The following ATP9B variants were observed in gnomAD, a reference collection of about 807,000 sequenced individuals.
The protein encoded by ATP9B is probable phospholipid-transporting ATPase IIB.
Under a neutral mutation model 146.1 loss-of-function variants are expected in ATP9B, and 110 were observed. That is an observed-to-expected ratio of 0.75 (90% CI 0.65 to 0.88). The LOEUF (loss-of-function observed/expected upper bound fraction) is 0.88. ATP9B is among the 40% of genes least tolerant of loss of function. ATP9B has a pLI of 0.00. For synonymous variants in ATP9B, 604 were observed against 569.7 expected (o/e 1.06, Z -0.86); for missense variants, 1,499 against 1,496.4 (o/e 1.00, Z -0.03).
At position 79,154,521 on chromosome 18, in the gene ATP9B, G is replaced by A. The variant is rs748526167; in HGVS notation, c.744G>A (p.Ser248=). The A allele has an allele frequency of 8.5e-6, 13 of 1,535,352 alleles. No individual in the cohort carries two copies. Among genetic ancestry groups the A allele is most frequent in the Middle Eastern group, 1.7e-4 (1 of 5,870 alleles). The change falls in exon 7 of 30, where the codon TCG becomes TCA. Residue 248 remains serine, a synonymous_variant. Transcript: ENST00000426216. ...IIVEKNQRIP[S]DMVFLRTSEK... is the part of the protein sequence containing the mutation. The stretch of plus-strand genomic sequence containing the variant: ...CTTTGCAGAATCAAAGAATTCCATC[G>A]GACATGGTGTTTCTTAGGACTTCAG...
chr18:79,308,322 A>G (rs371053595), intron 15 of ATP9B, among the ~76,000 whole-genome samples: 2 of 152,320 alleles, frequency 1.3e-5, no homozygotes, highest in South Asian at 2.1e-4. Context: ...CCCGCCCGAG[A>G]GACATGAGAA....
chr18:79,245,909 G>A (rs62101144), intron 11 of ATP9B, among the ~76,000 whole-genome samples: 25,069 of 57,950 alleles, frequency 0.43, 5,051 homozygotes, highest in African/African-American at 0.57. Context: ...GGAGGGCACC[G>A]CCCTACTGAC....
chr18:79,190,636 C>T (rs1383785955), intron 8 of ATP9B, among the ~76,000 whole-genome samples: 6 of 151,994 alleles, frequency 3.9e-5, no homozygotes, highest in South Asian at 2.1e-4. Flanking sequence ...CTCTGCCTCC[C>T]GGGTTCAACC....
At chr18:79,355,482 C>T (rs533595602) in intron 25 of ATP9B, among the ~76,000 whole-genome samples, 223 of 152,196 alleles carry the variant, frequency 1.5e-3, no homozygotes, top group Non-Finnish European at 2.7e-3. Context: ...TGACTGGGCT[C>T]AGCAGCAAAA....
chr18:79,190,075 G>T (rs966735558), intron 8 of ATP9B, among the ~76,000 whole-genome samples: 12 of 152,182 alleles, frequency 7.9e-5, no homozygotes, highest in African/African-American at 2.9e-4. Flanking sequence ...ACACGATTCC[G>T]GGAGCACAGT....
At chr18:79,246,703 C>G (rs547407936) in intron 11 of ATP9B, among the ~76,000 whole-genome samples, 132 of 152,344 alleles carry the variant, frequency 8.7e-4, no homozygotes, top group Admixed American at 1.8e-3. Flanking sequence ...TCGCGCTCCC[C>G]CTGCTGGCCG....
At chr18:79,216,064 A>T (rs1038417781) in intron 11 of ATP9B, among the ~76,000 whole-genome samples, 3 of 144,936 alleles carry the variant, frequency 2.1e-5, no homozygotes, top group African/African-American at 5.4e-5. Flanking sequence ...ATTTATGATG[A>T]TATTTGAGGG....
At chr18:79,148,665 C>T (rs2094631655) in intron 6 of ATP9B, among the ~76,000 whole-genome samples, 1 of 152,160 alleles carries the variant, frequency 6.6e-6, no homozygotes, top group Non-Finnish European at 1.5e-5. Flanking sequence ...AGACTGGCGA[C>T]AAGGATGTTT....
At chr18:79,364,464 A>G (rs1439314851) in intron 26 of ATP9B, among the ~76,000 whole-genome samples, 1 of 152,166 alleles carries the variant, frequency 6.6e-6, no homozygotes, top group African/African-American at 2.4e-5. Flanking sequence ...CAAACATGAG[A>G]GGAAATCAGA....
chr18:79,192,542 T>C (rs984110047), intron 8 of ATP9B, among the ~76,000 whole-genome samples: 2 of 152,212 alleles, frequency 1.3e-5, no homozygotes, highest in Non-Finnish European at 2.9e-5. Flanking sequence ...ATTTAACCTT[T>C]ATGTGTAGCC....
At position 79,143,802 on chromosome 18, in the gene ATP9B, G is replaced by T; in HGVS notation, c.668G>T (p.Gly223Val). The change falls in exon 6 of 30, where the codon GGT becomes GTT. Residue 223 changes from glycine (G) to valine (V), a missense_variant and splice_region_variant. Coordinates refer to ENST00000426216, the MANE Select transcript of ATP9B (RefSeq NM_198531.5). ...TGACTGTACTTCTTCTTTTTTTAAG[G>T]TAAAGTGCAAGTTAAGAGTTCAGAC... ...SQLYSKLTVR[G>V]KVQVKSSDIQ... 1 of 1,571,332 alleles carries T rather than the reference G, an allele frequency of 6.4e-7. No homozygotes were observed.
At chr18:79,287,346 G>A (rs1165143028) in intron 13 of ATP9B, among the ~76,000 whole-genome samples, 2 of 152,160 alleles carry the variant, frequency 1.3e-5, no homozygotes, top group African/African-American at 4.8e-5. Flanking sequence ...TTTAGTCTTA[G>A]GAGGGTGTAT....
intron 2 of ATP9B, among the ~76,000 whole-genome samples, chr18:79,108,135 G>A (rs1316918018): frequency 6.6e-6 from 1 of 152,168 alleles, no homozygotes; most frequent in Non-Finnish European, 1.5e-5. Context: ...GGGGGAAGGC[G>A]ACTCAGAGTA....
At chr18:79,167,515 C>T (rs774209776) in intron 7 of ATP9B, among the ~76,000 whole-genome samples, 12 of 151,858 alleles carry the variant, frequency 7.9e-5, no homozygotes, top group East Asian at 5.8e-4. Flanking sequence ...AGCTTTTCTC[C>T]GCAGGCAGGT....
chr18:79,128,185 G>A lies in ATP9B; in HGVS notation c.667+1810G>A, dbSNP rs199863572. On this transcript the variant is annotated intron_variant, in intron 5 of 29. Transcript: ENST00000426216. ...GGCGATTCTCCTGCCTCAACCTCCC[G>A]AGAAACTGGGATTACAGGTGCCTGC... is the stretch of plus-strand genomic sequence containing the variant. Among the ~76,000 whole-genome samples, 44 of 148,698 alleles carry A rather than the reference G, an allele frequency of 3.0e-4. No individual in the cohort carries two copies. In the East Asian group the frequency reaches 7.9e-3, roughly 27 times the overall value.
intron 4 of ATP9B, among the ~76,000 whole-genome samples, chr18:79,114,439 G>A (rs539484330): frequency 6.6e-6 from 1 of 152,250 alleles, no homozygotes; most frequent in South Asian, 2.1e-4. Flanking sequence ...GGTCTGTCCT[G>A]GCCTGGGTAG....
intron 13 of ATP9B, among the ~76,000 whole-genome samples, chr18:79,303,088 T>G (rs190089875): frequency 6.6e-6 from 1 of 152,286 alleles, no homozygotes; most frequent in East Asian, 1.9e-4. Flanking sequence ...TAAACGTTGT[T>G]AGAGGCTGCG....
chr18:79,280,684 C>T (rs2361475), intron 13 of ATP9B, among the ~76,000 whole-genome samples: 2 of 152,106 alleles, frequency 1.3e-5, no homozygotes, highest in African/African-American at 2.4e-5. Context: ...ACTAGAAACA[C>T]ATGTGCTTAT....
At chr18:79,074,745 G>T (rs1002213925) in intron 1 of ATP9B, among the ~76,000 whole-genome samples, 1 of 152,228 alleles carries the variant, frequency 6.6e-6, no homozygotes, top group African/African-American at 2.4e-5. Context: ...CCTTTGATTG[G>T]CTCTTGCTTA....
Sources: allele counts gnomAD v4.1 joint callset (sites outside exome capture counted in the v4.1 genomes callset), GRCh38; gene constraint gnomAD v4.1.1; transcripts MANE v1.5; gene names NCBI Gene and HGNC (gene_info 2026-07-23, HGNC 2026-07-21).